RPL15: variants seen among roughly 807,000 people sequenced by gnomAD.
The protein encoded by RPL15 is large ribosomal subunit protein eL15.
For missense variants in RPL15, 161 were observed against 271.8 expected, an observed-to-expected ratio of 0.59 and a Z score of 2.87; for synonymous variants, 97 against 95.1, an observed-to-expected ratio of 1.02 and a Z score of -0.12.
At chr3:23,922,855 A>C (rs1405998130), downstream of RPL15, 1 of 152,106 alleles carries the variant, frequency 6.6e-6, no homozygotes, top group East Asian at 1.9e-4. This position sits in a 1 kb window ranked among gnomAD's most constrained non-coding sequence, Gnocchi z 4.2. Context: ...CCCAGGCTGG[A>C]GTGTAGTGGC....
At chr3:23,917,552 C>G (rs1704696416) in intron 1 of RPL15, 2 of 284,602 alleles carry the variant, frequency 7.0e-6, no homozygotes, top group African/African-American at 4.4e-5. Flanking sequence ...CTTTCAGGTC[C>G]TCCTTGGGGA....
downstream of RPL15, chr3:23,921,583 T>C (rs774004326): frequency 2.0e-3 from 1,350 of 678,580 alleles, 12 homozygotes; most frequent in Non-Finnish European, 3.0e-3. Context: ...TTTTTTTTTT[T>C]TTTTTTTTTT....
chr3:23,924,368 G>A (rs994705627), downstream of RPL15: 1 of 152,148 alleles, frequency 6.6e-6, no homozygotes, highest in African/African-American at 2.4e-5. Flanking sequence ...ATTGGAAGGA[G>A]CTGCTAGCTC....
In RPL15 at chr3:23,920,493, A is replaced by G. The variant is rs1358405490; in HGVS notation, c.*992A>G. On this transcript the variant is annotated 3_prime_UTR_variant, in exon 4 of 4. Coordinates refer to ENST00000307839, the MANE Select transcript of RPL15 (RefSeq NM_002948.5). Reference sequence around the variant, plus strand: ...CATCACTTGTGCACCCACTTTGACTATGAGTATACCACCACATTGCATTTC... The same window carrying G: ...CATCACTTGTGCACCCACTTTGACTGTGAGTATACCACCACATTGCATTTC... 2 of 984,900 alleles carry G rather than the reference A, an allele frequency of 2.0e-6. No homozygotes were observed. Among genetic ancestry groups the G allele is most frequent in the African/African-American group, 3.5e-5 (2 of 57,190 alleles). The allele number at this position is 984,900 out of a possible 1,614,324, so 61.0% of individuals were successfully genotyped here.
At chr3:23,923,987 G>C (rs770688319), downstream of RPL15, 2 of 152,128 alleles carry the variant, frequency 1.3e-5, no homozygotes, top group African/African-American at 4.8e-5. Flanking sequence ...TGTTTTCCTG[G>C]CCTCTCATGC....
Position 23,918,824 on chromosome 3 carries a change from A to T in RPL15, c.309+248A>T, listed in dbSNP as rs542796846. 8 of 548,998 alleles carry T rather than the reference A, an allele frequency of 1.5e-5. No homozygotes were observed. The East Asian group carries it at 2.5e-4, about 17-fold the overall frequency. The allele number at this position is 548,998 out of a possible 1,614,324, so 34.0% of individuals were successfully genotyped here. A position where few individuals can be genotyped will look rare whatever the true frequency, so the allele number is the denominator to read the frequency against. ...CGGCAAGAATATGCAGAAGAGACCA[A>T]ATGTGGCCTGCACAGCCTAAAATAT... On this transcript the variant is annotated intron_variant, in intron 3 of 3. Transcript: ENST00000307839.
At chr3:23,917,404 T>A (rs2125248755) in intron 1 of RPL15, 1 of 153,700 alleles carries the variant, frequency 6.5e-6, no homozygotes, top group South Asian at 1.9e-4. Flanking sequence ...GGAGGAGGCG[T>A]GGGGCTGACG....
chr3:23,920,622 T>C lies in RPL15; in HGVS notation c.*1121T>C. ...AATTGCCCAATTTTAAATTCTGACT[T>C]TGCTGACTTAATTTAAATGCTCGTT... On this transcript the variant is annotated 3_prime_UTR_variant, in exon 4 of 4. Coordinates refer to ENST00000307839, the MANE Select transcript of RPL15 (RefSeq NM_002948.5). 1 of 984,912 alleles carries C rather than the reference T, an allele frequency of 1.0e-6. No homozygotes were observed. The highest frequency in any genetic ancestry group is 1.2e-6 in the Non-Finnish European group (1 of 829,468). 61.0% of individuals were successfully genotyped at this position (984,912 alleles called of 1,614,324 possible). A position where few individuals can be genotyped will look rare whatever the true frequency, so the allele number is the denominator to read the frequency against.
intron 2 of RPL15, 85 bp downstream of exon 2, chr3:23,918,116 C>T (rs1704775408): frequency 6.7e-7 from 1 of 1,486,948 alleles, no homozygotes; most frequent in South Asian, 1.3e-5. Flanking sequence ...ACTGCTGCCT[C>T]AGTGTCTTTC....
In RPL15 at chr3:23,919,430, C is replaced by T; in HGVS notation, c.544C>T (p.His182Tyr). 6.2e-7 allele frequency: 1 copy of T among 1,604,854 alleles called. No individual in the cohort carries two copies. The highest frequency in any genetic ancestry group is 8.5e-7 in the Non-Finnish European group (1 of 1,179,970). ...CCTTGGAAAGGGCCACAAGTTCCACCACACTATTGGTGGCTCTCGCCGGGC... is the reference window on the plus strand; with the variant it reads ...CCTTGGAAAGGGCCACAAGTTCCACTACACTATTGGTGGCTCTCGCCGGGC... ...RGLGKGHKFH[H>Y]TIGGSRRAAW... The change falls in exon 4 of 4, where the codon CAC (histidine) becomes TAC (tyrosine). Residue 182 changes from histidine to tyrosine, a missense_variant. Transcript: ENST00000307839.
chr3:23,921,775 A>G (rs1050238169), downstream of RPL15: 9 of 589,968 alleles, frequency 1.5e-5, no homozygotes, highest in African/African-American at 7.6e-5. Context: ...GGGTTTCACT[A>G]TGTTGGCCAG....
chr3:23,917,708 C>T, intron 1 of RPL15, 142 bp from the exon 2 acceptor site: 1 of 801,972 alleles, frequency 1.2e-6, no homozygotes, highest in African/African-American at 1.8e-5. Context: ...GGGGGTTGGG[C>T]TAGCTGTCCC....
At chr3:23,917,823 T>A (rs775865864) in intron 1 of RPL15, 27 bp from the exon 2 acceptor site, 13 of 1,587,194 alleles carry the variant, frequency 8.2e-6, no homozygotes, top group Non-Finnish European at 1.0e-5. Flanking sequence ...AAGCGGATGA[T>A]ATTTAATACA....
rs548411638 is a variant in RPL15 at position 23,919,640 on chromosome 3, A to G, written c.*139A>G. The G allele has an allele frequency of 2.6e-5, 37 of 1,421,604 alleles. No individual in the cohort carries two copies. Among genetic ancestry groups the G allele is most frequent in the African/African-American group, 2.2e-4 (15 of 69,694 alleles). The allele number at this position is 1,421,604 out of a possible 1,614,324, so 88.1% of individuals were successfully genotyped here. On this transcript the variant is annotated 3_prime_UTR_variant, in exon 4 of 4. Coordinates refer to ENST00000307839, the MANE Select transcript of RPL15 (RefSeq NM_002948.5). ...GTCAAATTAAGAAAGTTAAAGTGCAATAATGTTTGAAGACAATAAGTGGTG... is the reference window on the plus strand; with the variant it reads ...GTCAAATTAAGAAAGTTAAAGTGCAGTAATGTTTGAAGACAATAAGTGGTG...
In RPL15 at chr3:23,919,752, G is replaced by GT; in HGVS notation, c.*252dup. 1 of 1,253,454 alleles carries GT rather than the reference G, an allele frequency of 8.0e-7. No homozygotes were observed. The highest frequency in any genetic ancestry group is 1.0e-6 in the Non-Finnish European group (1 of 998,436). The allele number at this position is 1,253,454 out of a possible 1,614,324, so 77.6% of individuals were successfully genotyped here. On this transcript the variant is annotated 3_prime_UTR_variant, in exon 4 of 4. Coordinates refer to ENST00000307839, the MANE Select transcript of RPL15 (RefSeq NM_002948.5). ...TATGTCAGTGTATAAAACATACTGT[G>GT]TGGTATAACAGGCTTAATAAATTCT...
chr3:23,919,222 T>G lies in RPL15; in HGVS notation c.336T>G (p.Ala112=). 6.2e-7 allele frequency: 1 copy of G among 1,613,932 alleles called. No individual in the cohort carries two copies. Among genetic ancestry groups the G allele is most frequent in the Admixed American group, 1.7e-5 (1 of 60,012 alleles). The change falls in exon 4 of 4, where the codon GCT becomes GCG. Residue 112 remains alanine (A), a synonymous_variant. Transcript: ENST00000307839. ...AEERAGRHCG[A]LRVLNSYWVG... is the part of the protein sequence containing the mutation. ...AGCGAGCTGGACGCCACTGTGGGGC[T>G]CTGAGAGTCCTGAATTCTTACTGGG...
Position 23,918,253 on chromosome 3 carries a change from A to T in RPL15, c.173-187A>T, listed in dbSNP as rs146071240. The T allele has an allele frequency of 2.4e-3, 2,190 of 897,232 alleles. 8 individuals are homozygous for T. Among genetic ancestry groups the T allele is most frequent in the Non-Finnish European group, 3.2e-3 (1,918 of 595,966 alleles). 55.6% of individuals were successfully genotyped at this position (897,232 alleles called of 1,614,324 possible). A position where few individuals can be genotyped will look rare whatever the true frequency, so the allele number is the denominator to read the frequency against. On this transcript the variant is annotated intron_variant, in intron 2 of 3. Coordinates refer to ENST00000307839, the MANE Select transcript of RPL15 (RefSeq NM_002948.5). ...GAGTTCAGACTAAAGCAAAATAAAC[A>T]GTGTGCCTCCCTGTGTGAGTAGCCT...
chr3:23,921,177 G>A (rs148938475), downstream of RPL15, among the ~76,000 whole-genome samples: 1,308 of 152,218 alleles, frequency 8.6e-3, 17 homozygotes, highest in African/African-American at 0.029. Flanking sequence ...AGGAGAGAAA[G>A]GGTTCGGGCC....
At chr3:23,916,743 G>A (rs543985091), upstream of RPL15, 183 of 152,836 alleles carry the variant, frequency 1.2e-3, no homozygotes, top group African/African-American at 4.2e-3. Context: ...CGGAGACGCA[G>A]AGACTCCGCA....
Sources: gnomAD v4.1 joint callset for allele counts (sites outside exome capture counted in the v4.1 genomes callset) on GRCh38, gnomAD v4.1.1 for gene constraint, Gnocchi (gnomAD v3.1) non-coding constraint, MANE v1.5 for transcripts, NCBI Gene and HGNC (gene_info 2026-07-23, HGNC 2026-07-21) for gene names.